The following STK33 variants were observed in gnomAD, a reference collection of about 807,000 sequenced individuals.
STK33 encodes serine/threonine-protein kinase 33.
STK33 carries 52 observed loss-of-function variants against 58.0 expected under a neutral mutation model. The ratio of observed to expected loss-of-function variants is 0.90; its 90% CI spans 0.72 to 1.13. The LOEUF (loss-of-function observed/expected upper bound fraction) is 1.13. STK33 is among the 50% of genes most tolerant of loss of function. The pLI is 0.00. For missense variants in STK33, 630 were observed against 604.2 expected, an observed-to-expected ratio of 1.04 and a Z score of -0.45; for synonymous variants, 215 against 200.1, an observed-to-expected ratio of 1.07 and a Z score of -0.63.
chr11:8,367,895 T>C, the STK33 span, among the ~76,000 whole-genome samples: 362 of 152,180 alleles, frequency 2.4e-3, 1 homozygote, highest in Admixed American at 4.5e-3. Context: ...GTATACACAG[T>C]GCACACGCCC....
intron 11 of STK33, among the ~76,000 whole-genome samples, chr11:8,451,562 G>C (rs971243253): frequency 3.3e-4 from 50 of 152,224 alleles, no homozygotes; most frequent in South Asian, 1.9e-3. Flanking sequence ...AGAGAGACAA[G>C]AAGGCAAATC....
intron 1 of STK33, among the ~76,000 whole-genome samples, chr11:8,485,847 G>A (rs888693435): frequency 6.6e-6 from 1 of 152,148 alleles, no homozygotes; most frequent in Non-Finnish European, 1.5e-5. Flanking sequence ...GTACATACTT[G>A]AAAACATATA....
intron 1 of STK33, among the ~76,000 whole-genome samples, chr11:8,530,309 G>A (rs932272265): frequency 3.3e-5 from 5 of 151,964 alleles, no homozygotes; most frequent in African/African-American, 1.2e-4. Context: ...GCATTTAAAT[G>A]TCTCTGGTGG....
the STK33 span, among the ~76,000 whole-genome samples, chr11:8,372,927 G>T: frequency 6.6e-6 from 1 of 152,222 alleles, no homozygotes; most frequent in Non-Finnish European, 1.5e-5. Context: ...GCCAGGCAGG[G>T]CTCATCAAGA....
Position 8,562,827 on chromosome 11 carries a change from G to A in STK33, c.-466+31256C>T, listed in dbSNP as rs779138421. On this transcript the variant is annotated intron_variant, in intron 1 of 15. Transcript: ENST00000687296. The stretch of plus-strand genomic sequence containing the variant: ...TCTGCAAGGCACTTTGGGAGGCACT[G>A]AAGATACAGCAATGAAGAAGACAGA... Among the ~76,000 whole-genome samples the A allele has an allele frequency of 3.2e-4, 49 of 152,300 alleles. 1 individual carries two copies. Among genetic ancestry groups the A allele is most frequent in the East Asian group, 2.5e-3 (13 of 5,190 alleles).
intron 14 of STK33, among the ~76,000 whole-genome samples, chr11:8,430,986 C>A (rs1943357468): frequency 6.6e-6 from 1 of 151,714 alleles, no homozygotes; most frequent in African/African-American, 2.4e-5. Context: ...CCTGCCTCAG[C>A]CTCCCAAGTA....
intron 1 of STK33, among the ~76,000 whole-genome samples, chr11:8,515,800 C>A (rs1554976841): frequency 1.3e-5 from 2 of 151,880 alleles, no homozygotes; most frequent in Non-Finnish European, 2.9e-5. Context: ...TGATAAAAAA[C>A]AAAAAAACTC....
At position 8,449,189 on chromosome 11, in the gene STK33, T is replaced by C. The variant is rs896839377; in HGVS notation, c.871+3633A>G. Among the ~76,000 whole-genome samples the C allele has an allele frequency of 1.3e-4, 19 of 151,762 alleles. 1 individual carries two copies. The highest frequency in any genetic ancestry group is 4.6e-4 in the African/African-American group (19 of 41,024). ...AACACTTTTACACTGTTGGTGGGAC[T>C]GTAAACTAGTTCAACCATTGTGGAA... On this transcript the variant is annotated intron_variant, in intron 11 of 15. Coordinates refer to ENST00000687296, the MANE Select transcript of STK33 (RefSeq NM_001352389.2).
chr11:8,349,640 TG>T, the STK33 span, among the ~76,000 whole-genome samples: 13 of 152,380 alleles, frequency 8.5e-5, no homozygotes, highest in Admixed American at 8.5e-4. Flanking sequence ...TTGACATCCC[TG>T]GGGTGGCCTT....
At chr11:8,511,355 G>C (rs1952306388) in intron 1 of STK33, among the ~76,000 whole-genome samples, 1 of 152,090 alleles carries the variant, frequency 6.6e-6, no homozygotes, top group Non-Finnish European at 1.5e-5. Context: ...AGACTTTACT[G>C]GATTCACTTA....
chr11:8,450,225 C>T (rs1271322549), intron 11 of STK33, among the ~76,000 whole-genome samples: 1 of 152,060 alleles, frequency 6.6e-6, no homozygotes, highest in Non-Finnish European at 1.5e-5. Context: ...ACTATGCAGC[C>T]ATAAAAAAGG....
chr11:8,366,481 C>T, the STK33 span, among the ~76,000 whole-genome samples: 18 of 152,194 alleles, frequency 1.2e-4, no homozygotes, highest in Middle Eastern at 6.8e-3. Context: ...CAGACGGGGT[C>T]GGGGGAGGCT....
the STK33 span, among the ~76,000 whole-genome samples, chr11:8,362,557 T>C: frequency 6.6e-6 from 1 of 152,354 alleles, no homozygotes; most frequent in African/African-American, 2.4e-5. Context: ...ATGTAAATCT[T>C]AGCAATGTCT....
At chr11:8,388,480 C>A (rs1266344308), downstream of STK33, among the ~76,000 whole-genome samples, 2 of 152,240 alleles carry the variant, frequency 1.3e-5, no homozygotes, top group East Asian at 3.8e-4. Context: ...CGGTTCTCAG[C>A]CAGCTCACTC....
chr11:8,411,243 AC>A (rs1194118659), intron 15 of STK33, among the ~76,000 whole-genome samples: 1 of 152,260 alleles, frequency 6.6e-6, no homozygotes, highest in Non-Finnish European at 1.5e-5. Context: ...AGAGAACATT[AC>A]TGTCCTCAGA....
the STK33 span, among the ~76,000 whole-genome samples, chr11:8,383,418 C>A: frequency 6.6e-6 from 1 of 152,040 alleles, no homozygotes. Flanking sequence ...GGTAGGGAGC[C>A]CCCAACCCCA....
chr11:8,471,825 G>A (rs561865397), intron 6 of STK33, among the ~76,000 whole-genome samples: 191 of 151,990 alleles, frequency 1.3e-3, no homozygotes, highest in African/African-American at 4.3e-3. Context: ...GGTTATATCT[G>A]GTTGATAATT....
intron 1 of STK33, among the ~76,000 whole-genome samples, chr11:8,518,477 A>G (rs1953036707): frequency 6.6e-6 from 1 of 152,224 alleles, no homozygotes; most frequent in Admixed American, 6.5e-5. Context: ...GACAGGATCA[A>G]ATTCACACAT....
At chr11:8,583,982 T>C (rs2030960324) in intron 1 of STK33, among the ~76,000 whole-genome samples, 1 of 152,070 alleles carries the variant, frequency 6.6e-6, no homozygotes, top group Non-Finnish European at 1.5e-5. Flanking sequence ...AATTCACTAG[T>C]GGCTGAGCTC....
Sources: gnomAD v4.1 joint callset for allele counts (sites outside exome capture counted in the v4.1 genomes callset) on GRCh38, gnomAD v4.1.1 for gene constraint, MANE v1.5 for transcripts, NCBI Gene and HGNC (gene_info 2026-07-23, HGNC 2026-07-21) for gene names.